The following SLC1A4 variants were observed in gnomAD, a reference collection of about 807,000 sequenced individuals.
SLC1A4 encodes solute carrier family 1 member 4.
SLC1A4 carries 19 observed loss-of-function variants against 37.7 expected under a neutral mutation model. That is an observed-to-expected ratio of 0.50 (90% CI 0.35 to 0.74). The LOEUF (loss-of-function observed/expected upper bound fraction) is 0.74, where lower values mean the gene tolerates loss of function less well. Among genes scored for constraint, SLC1A4 ranks in the 30% least tolerant of loss-of-function variants. SLC1A4 has a pLI of 0.01. For synonymous variants in SLC1A4, 299 were observed against 309.8 expected, an observed-to-expected ratio of 0.97 and a Z score of 0.37; for missense variants, 570 against 712.9, an observed-to-expected ratio of 0.80 and a Z score of 2.28.
chr2:64,993,143 C>A (rs539556972), intron 1 of SLC1A4, among the ~76,000 whole-genome samples: 1 of 152,186 alleles, frequency 6.6e-6, no homozygotes, highest in Non-Finnish European at 1.5e-5. Flanking sequence ...CAGGCCCTCT[C>A]GAGGTAGCTG....
Position 65,021,262 on chromosome 2 carries a change from T to TGGGA in SLC1A4, c.*116_*117insGGGA. ...AACTTTTACCCTCCCAAGCAATGCT[T>TGGGA]TGGCCCAGTCGCTGGCCTGAGGCTT... On this transcript the variant is annotated 3_prime_UTR_variant, in exon 8 of 8. Coordinates refer to ENST00000234256, the MANE Select transcript of SLC1A4 (RefSeq NM_003038.5). The TGGGA allele has an allele frequency of 1.2e-6, 1 of 803,460 alleles. No individual in the cohort carries two copies. The highest frequency in any genetic ancestry group is 2.0e-6 in the Non-Finnish European group (1 of 504,062). 49.8% of individuals were successfully genotyped at this position (803,460 alleles called of 1,614,324 possible).
chr2:65,016,078 A>G (rs898242639), intron 4 of SLC1A4, among the ~76,000 whole-genome samples: 1 of 152,234 alleles, frequency 6.6e-6, no homozygotes, highest in Non-Finnish European at 1.5e-5. Context: ...AGCCTGAGCA[A>G]AGCCAAAAGT....
chr2:65,010,105 T>A (rs1673857679), intron 3 of SLC1A4, among the ~76,000 whole-genome samples: 1 of 152,116 alleles, frequency 6.6e-6, no homozygotes, highest in Non-Finnish European at 1.5e-5. Context: ...CTAATTTTTG[T>A]GTTTTTAGTA....
intron 1 of SLC1A4, among the ~76,000 whole-genome samples, chr2:64,994,044 T>C (rs1673159581): frequency 6.6e-6 from 1 of 152,202 alleles, no homozygotes; most frequent in African/African-American, 2.4e-5. Context: ...GAAGCTAATG[T>C]AGTCTCTAGG....
At chr2:64,992,948 T>C (rs1673114518) in intron 1 of SLC1A4, among the ~76,000 whole-genome samples, 1 of 152,318 alleles carries the variant, frequency 6.6e-6, no homozygotes, top group African/African-American at 2.4e-5. Flanking sequence ...CACCCGGAAA[T>C]GCTTCCTGAG....
chr2:65,008,057 CAT>C (rs1673756913), intron 3 of SLC1A4, among the ~76,000 whole-genome samples: 1 of 152,180 alleles, frequency 6.6e-6, no homozygotes, highest in African/African-American at 2.4e-5. Flanking sequence ...TTAGCTCCCA[CAT>C]ATGAGAACAT....
intron 1 of SLC1A4, chr2:64,994,658 A>G (rs1275071678): frequency 1.3e-5 from 2 of 151,896 alleles, no homozygotes; most frequent in African/African-American, 2.4e-5. Flanking sequence ...AATATGTATG[A>G]TGCTTCTCAA....
chr2:65,014,085 C>T (rs1184099403), intron 4 of SLC1A4, among the ~76,000 whole-genome samples: 3 of 152,022 alleles, frequency 2.0e-5, no homozygotes, highest in Non-Finnish European at 4.4e-5. Context: ...AATATAGAGG[C>T]AGGGAAAGCC....
chr2:65,007,233 A>G (rs530238052), intron 3 of SLC1A4, among the ~76,000 whole-genome samples: 1 of 151,996 alleles, frequency 6.6e-6, no homozygotes, highest in African/African-American at 2.4e-5. Context: ...CACCAAGAAG[A>G]ACATTAAAGC....
chr2:65,021,092 C>T lies in SLC1A4; in HGVS notation c.1545C>T (p.Pro515=), dbSNP rs1168685828. Residue 515 remains proline (P), a synonymous_variant, in exon 8 of 8, where the codon CCC becomes CCT. Transcript: ENST00000234256. ...CGCCCCTGGTGACACACCAGAACCC[C>T]GCTGGCCCCGTGGCCAGTGCCCCAG... is the stretch of plus-strand genomic sequence containing the variant. The part of the protein sequence containing the change: ...ETSPLVTHQN[P]AGPVASAPEL... 28 of 1,614,240 alleles carry T rather than the reference C, an allele frequency of 1.7e-5. No homozygotes were observed. The highest frequency in any genetic ancestry group is 3.3e-5 in the Admixed American group (2 of 60,030).
In SLC1A4 at chr2:65,010,514, A is replaced by G. The variant is rs954425564; in HGVS notation, c.634-83A>G. ...TTTCTCGTTCTGGGTACAGTGTTTC[A>G]GTCTGGTGGGGACACCAAGCAAATA... On this transcript the variant is annotated intron_variant, in intron 3 of 7. Coordinates refer to ENST00000234256, the MANE Select transcript of SLC1A4 (RefSeq NM_003038.5). 21 of 1,150,754 alleles carry G rather than the reference A, an allele frequency of 1.8e-5. No homozygotes were observed. The South Asian group carries it at 3.0e-4, about 17-fold the overall frequency. The allele number at this position is 1,150,754 out of a possible 1,614,324, so 71.3% of individuals were successfully genotyped here. A position where few individuals can be genotyped will look rare whatever the true frequency, so the allele number is the denominator to read the frequency against.
At chr2:65,014,742 C>T (rs1188859102) in intron 4 of SLC1A4, among the ~76,000 whole-genome samples, 1 of 152,264 alleles carries the variant, frequency 6.6e-6, no homozygotes, top group African/African-American at 2.4e-5. Flanking sequence ...TAGCAGTTCA[C>T]TTCTTAGCAT....
intron 1 of SLC1A4, among the ~76,000 whole-genome samples, chr2:64,993,245 C>T (rs1673129343): frequency 6.6e-6 from 1 of 152,214 alleles, no homozygotes; most frequent in East Asian, 1.9e-4. Context: ...CATGCCCTTT[C>T]CTGATGGTAA....
At chr2:65,004,568 G>A (rs957631208) in intron 3 of SLC1A4, among the ~76,000 whole-genome samples, 3 of 151,896 alleles carry the variant, frequency 2.0e-5, no homozygotes, top group Non-Finnish European at 4.4e-5. Flanking sequence ...GATTGTAAGT[G>A]TGAGCCTGTG....
At chr2:65,013,647 C>G (rs909449308) in intron 4 of SLC1A4, among the ~76,000 whole-genome samples, 1 of 152,190 alleles carries the variant, frequency 6.6e-6, no homozygotes, top group African/African-American at 2.4e-5. Flanking sequence ...GAGCGAGAGA[C>G]CTGTTGCTCA....
Position 65,018,056 on chromosome 2 carries a change from T to C in SLC1A4, c.1035-15T>C, listed in dbSNP as rs1323897268. On this transcript the variant is annotated splice_polypyrimidine_tract_variant and intron_variant, in intron 5 of 7. Coordinates refer to ENST00000234256, the MANE Select transcript of SLC1A4 (RefSeq NM_003038.5). The surrounding 1 kb of genome is among the most constrained non-coding windows in gnomAD (Gnocchi z 4.3). ...ACTGTTGTCATGTCTGGCGGTTTGT[T>C]TTTCCCATTTCTAGCTCAGCGACCC... is the stretch of plus-strand genomic sequence containing the variant. 8 of 1,609,844 alleles carry C rather than the reference T, an allele frequency of 5.0e-6. No individual in the cohort carries two copies. In the Admixed American group the frequency reaches 1.2e-4, roughly 24 times the overall value.
intron 4 of SLC1A4, among the ~76,000 whole-genome samples, chr2:65,011,822 G>A (rs1253016424): frequency 6.6e-6 from 1 of 151,936 alleles, no homozygotes; most frequent in African/African-American, 2.4e-5. Flanking sequence ...AGGCTAGAGT[G>A]CAGTGATGTG....
rs772979492 is a variant in SLC1A4 at position 65,022,568 on chromosome 2, T to TGGAGAAAGGGCTG, written c.*1422_*1423insGGAGAAAGGGCTG. 6.6e-6 allele frequency: 1 copy of TGGAGAAAGGGCTG among 152,168 alleles called. No homozygotes were observed. Among genetic ancestry groups the TGGAGAAAGGGCTG allele is most frequent in the African/African-American group, 2.4e-5 (1 of 41,430 alleles). 9.4% of individuals were successfully genotyped at this position (152,168 alleles called of 1,614,324 possible). A position where few individuals can be genotyped will look rare whatever the true frequency, so the allele number is the denominator to read the frequency against. Reference sequence around the variant, plus strand: ...TTCTTTTTTATGTAAGGGACAGCTTTCTCCACAGAGTCCTTTCTGCTGGTG... The same window carrying TGGAGAAAGGGCTG: ...TTCTTTTTTATGTAAGGGACAGCTTTGGAGAAAGGGCTGCTCCACAGAGTCCTTTCTGCTGGTG... On this transcript the variant is annotated 3_prime_UTR_variant, in exon 8 of 8. Transcript: ENST00000234256.
intron 5 of SLC1A4, 65 bp downstream of exon 5, chr2:65,016,738 T>A: frequency 9.9e-7 from 1 of 1,011,260 alleles, no homozygotes; most frequent in Non-Finnish European, 1.6e-6. Context: ...GTGAGCCCAG[T>A]GGTAGATGCA....
Sources: allele counts gnomAD v4.1 joint callset (sites outside exome capture counted in the v4.1 genomes callset), GRCh38; gene constraint gnomAD v4.1.1; non-coding constraint Gnocchi (gnomAD v3.1); transcripts MANE v1.5; gene names NCBI Gene and HGNC (gene_info 2026-07-23, HGNC 2026-07-21).